The following FGD5 variants were observed in gnomAD, a reference collection of about 807,000 sequenced individuals.
FGD5 encodes FYVE, RhoGEF and PH domain-containing protein 5.
A neutral mutation model predicts 133.4 loss-of-function variants in FGD5; 28 were observed. That is an observed-to-expected ratio of 0.21 (90% CI 0.16 to 0.29). The LOEUF (loss-of-function observed/expected upper bound fraction) is 0.29, where lower values mean the gene tolerates loss of function less well. Ranked by LOEUF, FGD5 falls within the 10% of genes least tolerant of loss-of-function variation. The pLI, the probability that FGD5 is intolerant of heterozygous loss-of-function variation, is 1.00. For missense variants in FGD5, 1,858 were observed against 1,895.2 expected, an observed-to-expected ratio of 0.98 and a Z score of 0.36; for synonymous variants, 810 against 776.5, an observed-to-expected ratio of 1.04 and a Z score of -0.72.
intron 18 of FGD5, chr3:14,931,252 T>C (rs1012367659): frequency 6.6e-5 from 10 of 152,258 alleles, no homozygotes; most frequent in African/African-American, 2.4e-4. Flanking sequence ...TTTTTGTTGT[T>C]GTTTTTGTTT....
At chr3:14,817,198 C>T (rs1439677741), upstream of FGD5, among the ~76,000 whole-genome samples, 1 of 151,974 alleles carries the variant, frequency 6.6e-6, no homozygotes, top group East Asian at 1.9e-4. Flanking sequence ...GTTAAAATTA[C>T]TTTTACTTTT....
rs1277927789 is a variant in FGD5 at position 14,844,209 on chromosome 3, AAAAAAAAAATATATATATATATATAT to A, written c.2526-19917_2526-19892del. On this transcript the variant is annotated intron_variant, in intron 1 of 19. Coordinates refer to ENST00000285046, the MANE Select transcript of FGD5 (RefSeq NM_152536.4). The stretch of plus-strand genomic sequence containing the variant: ...TCTCACATCTTAATAGGCATTAAAA[AAAAAAAAAATATATATATATATATAT>A]ATATATATATATATATATATATATA... Among the ~76,000 whole-genome samples, 90 of 26,902 alleles carry A rather than the reference AAAAAAAAAATATATATATATATATAT, an allele frequency of 3.3e-3. 8 individuals are homozygous for A. Among genetic ancestry groups the A allele is most frequent in the Non-Finnish European group, 5.0e-3 (74 of 14,918 alleles). The allele number at this position is 26,902 out of a possible 152,430, so 17.6% of individuals were successfully genotyped here.
chr3:14,828,007 G>A (rs945686058), intron 1 of FGD5, among the ~76,000 whole-genome samples: 8 of 152,208 alleles, frequency 5.3e-5, no homozygotes, highest in African/African-American at 1.9e-4. Context: ...TTTGGGCCAC[G>A]TTGTGCAGCA....
upstream of FGD5, chr3:14,810,767 C>T: frequency 1.0e-6 from 1 of 975,784 alleles, no homozygotes; most frequent in Non-Finnish European, 1.2e-6. Flanking sequence ...GCGGGGCGGC[C>T]GCGGAGGGAG....
intron 9 of FGD5, 46 bp from the exon 10 acceptor site, chr3:14,907,594 G>A (rs937872341): frequency 1.9e-6 from 3 of 1,576,788 alleles, no homozygotes; most frequent in Admixed American, 3.4e-5. Flanking sequence ...TAAGACGCCT[G>A]GTAGGGGCCC....
chr3:14,858,176 A>G (rs961377612), intron 1 of FGD5, among the ~76,000 whole-genome samples: 2 of 152,208 alleles, frequency 1.3e-5, no homozygotes, highest in African/African-American at 4.8e-5. Flanking sequence ...CAGAGAGAGT[A>G]CTTGAGTCAT....
At chr3:14,916,168 G>T (rs1233962139) in intron 11 of FGD5, among the ~76,000 whole-genome samples, 6 of 152,226 alleles carry the variant, frequency 3.9e-5, no homozygotes, top group Non-Finnish European at 8.8e-5. Flanking sequence ...TATAGAGAGG[G>T]CATTCTCTCT....
At chr3:14,851,262 A>G (rs112326897) in intron 1 of FGD5, among the ~76,000 whole-genome samples, 48 of 152,258 alleles carry the variant, frequency 3.2e-4, no homozygotes, top group Admixed American at 1.0e-3. Flanking sequence ...TCTGATCCCT[A>G]CATAGACCCT....
chr3:14,817,998 C>T (rs761168804), upstream of FGD5, among the ~76,000 whole-genome samples: 13 of 152,152 alleles, frequency 8.5e-5, no homozygotes, highest in Non-Finnish European at 2.9e-5. Flanking sequence ...TTTGACCGTT[C>T]CCCTTCTCTA....
chr3:14,921,250 G>C (rs1023734256), intron 13 of FGD5: 7 of 154,022 alleles, frequency 4.5e-5, no homozygotes, highest in African/African-American at 1.7e-4. Flanking sequence ...CTGCAGCACT[G>C]CTCCCGCCCA....
At chr3:14,906,465 G>T (rs1177123505) in intron 9 of FGD5, among the ~76,000 whole-genome samples, 2 of 152,214 alleles carry the variant, frequency 1.3e-5, no homozygotes, top group African/African-American at 4.8e-5. Context: ...GGGCTGTGGG[G>T]GTGGGAGGTC....
At chr3:14,895,392 G>A (rs1259340051) in intron 4 of FGD5, among the ~76,000 whole-genome samples, 2 of 152,164 alleles carry the variant, frequency 1.3e-5, no homozygotes, top group Non-Finnish European at 2.9e-5. Flanking sequence ...TATAGTGATA[G>A]ATAGAGGTCT....
intron 13 of FGD5, 77 bp downstream of exon 13, chr3:14,918,910 T>C (rs2038617512): frequency 6.7e-7 from 1 of 1,489,600 alleles, no homozygotes; most frequent in African/African-American, 1.4e-5. Context: ...CAGATAAGGA[T>C]GTGCTGTTTT....
Position 14,921,932 on chromosome 3 carries a change from G to A in FGD5, c.3584G>A (p.Arg1195Lys), listed in dbSNP as rs1266147917. ...CATGCCCGCAGCTCCTGTGCAGAGA[G>A]GGACGAGTGGTATGGCTGTCTGAGC... ...LMLSASSCAE[R>K]DEWYGCLSRA... The change falls in exon 14 of 20, where the codon AGG (arginine) becomes AAG (lysine). Residue 1195 changes from arginine (R) to lysine (K), a missense_variant. Arg to Lys is a conservative substitution (Grantham distance 26, BLOSUM62 2). This residue lies in a region of FGD5 where 1,824 missense variants were observed against 1,848.9 expected (regional missense o/e 0.99). Transcript: ENST00000285046. 4 of 1,568,420 alleles carry A rather than the reference G, an allele frequency of 2.6e-6. No homozygotes were observed. Among genetic ancestry groups the A allele is most frequent in the Non-Finnish European group, 3.5e-6 (4 of 1,156,632 alleles).
chr3:14,896,109 A>G (rs1042424780), intron 4 of FGD5, among the ~76,000 whole-genome samples: 3 of 152,224 alleles, frequency 2.0e-5, no homozygotes, highest in Non-Finnish European at 4.4e-5. Context: ...GGAAAACCAT[A>G]AAACACTGAT....
chr3:14,880,461 G>C (rs1483991453), intron 2 of FGD5, 111 bp from the exon 3 acceptor site: 6 of 856,302 alleles, frequency 7.0e-6, no homozygotes, highest in Non-Finnish European at 9.2e-6. Context: ...CAAGTAATGA[G>C]TGCCAGGAAA....
chr3:14,922,381 C>T lies in FGD5; in HGVS notation c.3670-30C>T, dbSNP rs1238284540. ...TCTGGCTGGTCTCCTGGCCACATTC[C>T]ACATTACTCAGCCAATTCTGTTGCT... On this transcript the variant is annotated intron_variant, in intron 14 of 19. Coordinates refer to ENST00000285046, the MANE Select transcript of FGD5 (RefSeq NM_152536.4). This position sits in a 1 kb window ranked among gnomAD's most constrained non-coding sequence, Gnocchi z 4.1. 1 of 1,557,142 alleles carries T rather than the reference C, an allele frequency of 6.4e-7. No individual in the cohort carries two copies. The highest frequency in any genetic ancestry group is 8.7e-7 in the Non-Finnish European group (1 of 1,150,192).
chr3:14,823,772 G>C (rs939444350), intron 1 of FGD5, among the ~76,000 whole-genome samples: 2 of 152,238 alleles, frequency 1.3e-5, no homozygotes, highest in African/African-American at 2.4e-5. Flanking sequence ...TTTCATCTAT[G>C]TATGGTGCCA....
At chr3:14,900,970 A>G (rs757814613) in intron 8 of FGD5, 33 bp from the exon 9 acceptor site, 16 of 1,613,704 alleles carry the variant, frequency 9.9e-6, no homozygotes, top group African/African-American at 2.7e-5. Flanking sequence ...CCCTCTTGCA[A>G]TGGCCCAACT....
Sources: allele counts gnomAD v4.1 joint callset (sites outside exome capture counted in the v4.1 genomes callset), GRCh38; gene constraint gnomAD v4.1.1; regional missense constraint gnomAD v4.1.1; non-coding constraint Gnocchi (gnomAD v3.1); transcripts MANE v1.5; gene names NCBI Gene and HGNC (gene_info 2026-07-23, HGNC 2026-07-21).